ZAN: variants seen among roughly 807,000 people sequenced by gnomAD.
ZAN encodes zonadhesin.
ZAN carries 260 observed loss-of-function variants against 286.2 expected under a neutral mutation model. The observed-to-expected ratio is 0.91, with a 90% CI of 0.82 to 1.01. The LOEUF (loss-of-function observed/expected upper bound fraction) is 1.01. Among genes scored for constraint, ZAN ranks in the 50% least tolerant of loss-of-function variants. The pLI is 0.00. For synonymous variants in ZAN, 1,368 were observed against 1,417.5 expected, an observed-to-expected ratio of 0.97 and a Z score of 0.79; for missense variants, 3,410 against 3,639.2, an observed-to-expected ratio of 0.94 and a Z score of 1.62.
chr7:100,747,791 G>A (rs1489123595), intron 9 of ZAN, 150 bp downstream of exon 9: 7 of 776,700 alleles, frequency 9.0e-6, no homozygotes, highest in Non-Finnish European at 1.5e-5. Context: ...AGGAGTTCAA[G>A]ACCAGCCTGG....
At chr7:100,783,674 C>T (rs2116252000) in intron 35 of ZAN, among the ~76,000 whole-genome samples, 1 of 129,850 alleles carries the variant, frequency 7.7e-6, no homozygotes, top group African/African-American at 2.9e-5. Flanking sequence ...GCAGAGGCTG[C>T]AGTGAGCCAA....
Position 100,760,470 on chromosome 7 carries a change from T to C in ZAN, c.3776T>C (p.Leu1259Pro). Residue 1259 changes from leucine (L) to proline (P), a missense_variant, in exon 19 of 48, where the codon CTG becomes CCG. Physicochemically the swap from Leu to Pro is moderately conservative, Grantham distance 98. Transcript: ENST00000613979. Reference protein sequence around the residue: ...FLGASGRFVELQTEFGLRVRW... With the variant: ...FLGASGRFVEPQTEFGLRVRW... ...GGTGCAAGCGGGCGGTTTGTGGAGC[T>C]GCAGACGGAGTTCGGTTTGCGGGTG... The C allele has an allele frequency of 6.2e-7, 1 of 1,613,992 alleles. No individual in the cohort carries two copies. The highest frequency in any genetic ancestry group is 8.5e-7 in the Non-Finnish European group (1 of 1,179,890).
intron 17 of ZAN, 101 bp downstream of exon 17, chr7:100,758,751 G>C (rs972729827): frequency 4.8e-5 from 71 of 1,493,916 alleles, no homozygotes; most frequent in Non-Finnish European, 5.2e-5. Context: ...GGGCACAGAT[G>C]GGGGAAGAGG....
At position 100,762,370 on chromosome 7, in the gene ZAN, G is replaced by A; in HGVS notation, c.3986+12G>A. The A allele has an allele frequency of 6.3e-7, 1 of 1,593,158 alleles. No individual in the cohort carries two copies. The highest frequency in any genetic ancestry group is 8.6e-7 in the Non-Finnish European group (1 of 1,167,630). The stretch of plus-strand genomic sequence containing the variant: ...GACGAGGACCAGGAGTGAGCAAGGA[G>A]CCCTCCCACCGGGGCCCTGGGAAGG... On this transcript the variant is annotated intron_variant, in intron 20 of 47. Coordinates refer to ENST00000613979, the MANE Select transcript of ZAN (RefSeq NM_003386.3).
At chr7:100,748,905 G>A (rs1446062796) in intron 11 of ZAN, among the ~76,000 whole-genome samples, 1 of 151,922 alleles carries the variant, frequency 6.6e-6, no homozygotes, top group Non-Finnish European at 1.5e-5. Context: ...ATGTGGTGGT[G>A]TGTGCTTGTG....
intron 40 of ZAN, 23 bp from the exon 41 acceptor site, chr7:100,791,943 C>G: frequency 6.3e-7 from 1 of 1,598,760 alleles, no homozygotes; most frequent in Non-Finnish European, 8.5e-7. Flanking sequence ...CCTCACCTGA[C>G]CCCGTGGCTG....
At chr7:100,744,014 G>A (rs1270095670) in intron 7 of ZAN, among the ~76,000 whole-genome samples, 1 of 150,896 alleles carries the variant, frequency 6.6e-6, no homozygotes. Flanking sequence ...GCCACGCCCA[G>A]CCTATATCTC....
At chr7:100,770,161 G>A (rs1810277379) in intron 28 of ZAN, among the ~76,000 whole-genome samples, 187 bp downstream of exon 28, 1 of 151,804 alleles carries the variant, frequency 6.6e-6, no homozygotes, top group Admixed American at 6.6e-5. Flanking sequence ...CTGTATTTGT[G>A]TCTCAGGCAG....
In ZAN at chr7:100,736,040, G is replaced by A. The variant is rs542132769; in HGVS notation, c.106+268G>A. Among the ~76,000 whole-genome samples the A allele has an allele frequency of 3.6e-5, 5 of 140,724 alleles. No homozygotes were observed. In the South Asian group the frequency reaches 6.6e-4, roughly 19 times the overall value. 92.3% of individuals were successfully genotyped at this position (140,724 alleles called of 152,430 possible). On this transcript the variant is annotated intron_variant, in intron 3 of 47. Coordinates refer to ENST00000613979, the MANE Select transcript of ZAN (RefSeq NM_003386.3). The stretch of plus-strand genomic sequence containing the variant: ...TCTTTCAAATCTCTGCTCTGGGCCG[G>A]GTGCTGTGGCTCACACCTGTCATCC...
chr7:100,759,170 A>T (rs1809365045), intron 17 of ZAN, among the ~76,000 whole-genome samples: 1 of 152,026 alleles, frequency 6.6e-6, no homozygotes, highest in Non-Finnish European at 1.5e-5. Flanking sequence ...GGTTGCAGTG[A>T]GCCAAGATCG....
rs556434038 is a variant in ZAN, at chr7:100,763,940, C to T, written c.4097+24C>T. Reference sequence around the variant, plus strand: ...GAGTATGAAGGAGGGCAGGCAGGGTCGCACAGGGGCGATGCTTGGCACCTG... The same window carrying T: ...GAGTATGAAGGAGGGCAGGCAGGGTTGCACAGGGGCGATGCTTGGCACCTG... On this transcript the variant is annotated intron_variant, in intron 21 of 47. Transcript: ENST00000613979. This position sits in a 1 kb window ranked among gnomAD's most constrained non-coding sequence, Gnocchi z 4.6. The T allele has an allele frequency of 1.0e-5, 16 of 1,606,646 alleles. No individual in the cohort carries two copies. The highest frequency in any genetic ancestry group is 6.7e-5 in the Admixed American group (4 of 59,320).
chr7:100,765,507 C>G lies in ZAN; in HGVS notation c.4423C>G (p.Pro1475Ala). 6.2e-7 allele frequency: 1 copy of G among 1,611,814 alleles called. No individual in the cohort carries two copies. Among genetic ancestry groups the G allele is most frequent in the South Asian group, 1.1e-5 (1 of 90,520 alleles). Residue 1475 changes from proline to alanine, a missense_variant, in exon 23 of 48, where the codon CCT becomes GCT. By Grantham distance (27) the Pro-to-Ala change is conservative. This residue lies in a region of ZAN where 1,042 missense variants were observed against 1,058.0 expected (regional missense o/e 0.98). Transcript: ENST00000613979. ...CGTCCTCAGTGGCCTCGAGTGCATA[C>G]CTCGCTCCCAGTGTGGGTGCCTCCA... ...GFVLSGLECI[P>A]RSQCGCLHPA...
chr7:100,737,100 G>A lies in ZAN; in HGVS notation c.525+20G>A, dbSNP rs745404505. On this transcript the variant is annotated intron_variant, in intron 5 of 47. Coordinates refer to ENST00000613979, the MANE Select transcript of ZAN (RefSeq NM_003386.3). ...ACCCGGGTAAGGCCGGGGACAAATT[G>A]TGGGACCTCGGGGGGGAGTCTGGGT... 21 of 1,482,314 alleles carry A rather than the reference G, an allele frequency of 1.4e-5. 5 individuals carry two copies. Among genetic ancestry groups the A allele is most frequent in the Non-Finnish European group, 1.9e-5 (21 of 1,087,058 alleles). The allele number at this position is 1,482,314 out of a possible 1,614,324, so 91.8% of individuals were successfully genotyped here.
chr7:100,775,920 G>A (rs985273878), intron 33 of ZAN, 87 bp downstream of exon 33: 3 of 1,525,664 alleles, frequency 2.0e-6, no homozygotes, highest in African/African-American at 1.4e-5. Flanking sequence ...TGTTCGCATC[G>A]TGCCTGCCCA....
At position 100,775,825 on chromosome 7, in the gene ZAN, T is replaced by C; in HGVS notation, c.6184T>C (p.Tyr2062His). 2 of 1,613,534 alleles carry C rather than the reference T, an allele frequency of 1.2e-6. No individual in the cohort carries two copies. The highest frequency in any genetic ancestry group is 1.7e-6 in the Non-Finnish European group (2 of 1,179,802). The change falls in exon 33 of 48, where the codon TAT (tyrosine) becomes CAT (histidine). Residue 2062 changes from tyrosine (Y) to histidine (H), a missense_variant. Physicochemically the swap from Tyr to His is moderately conservative, Grantham distance 83 (BLOSUM62 2). This residue lies in a region of ZAN where 1,289 missense variants were observed against 1,314.3 expected (regional missense o/e 0.98). Transcript: ENST00000613979. ...AGAGATTGAAATCCCCACAACCTAC[T>C]ATGGAAAGGTGAGGAAAACATCTGG... ...LLEIEIPTTY[Y>H]GKVCGMCGNF... is the part of the protein sequence containing the mutation.
rs544558816 is a variant in ZAN, at chr7:100,737,945, AATTT to A, written c.614-491_614-488del. ...AAGGAGACCCCCATCTCTACAAAAG[AATTT>A]ATTTATTTATTTATTTATTTATTTG... On this transcript the variant is annotated intron_variant, in intron 6 of 47. Coordinates refer to ENST00000613979, the MANE Select transcript of ZAN (RefSeq NM_003386.3). 1.9e-4 allele frequency among the ~76,000 whole-genome samples: 26 copies of A among 138,026 alleles called. 3 individuals carry two copies. The highest frequency in any genetic ancestry group is 2.4e-4 in the African/African-American group (9 of 37,726). The allele number at this position is 138,026 out of a possible 152,430, so 90.6% of individuals were successfully genotyped here. A position where few individuals can be genotyped will look rare whatever the true frequency, so the allele number is the denominator to read the frequency against.
At position 100,751,252 on chromosome 7, in the gene ZAN, C is replaced by T; in HGVS notation, c.1592C>T (p.Pro531Leu). Residue 531 changes from proline (P) to leucine (L), a missense_variant, in exon 13 of 48, where the codon CCT becomes CTT. Coordinates refer to ENST00000613979, the MANE Select transcript of ZAN (RefSeq NM_003386.3). ...VVAMGFILIN[P>L]GTCPVKVLPE... Reference sequence around the variant, plus strand: ...GCTATGGGTTTCATCTTGATCAATCCTGGGACTTGTCCAGGTAAGACCAAA... The same window carrying T: ...GCTATGGGTTTCATCTTGATCAATCTTGGGACTTGTCCAGGTAAGACCAAA... 6.2e-7 allele frequency: 1 copy of T among 1,603,798 alleles called. No homozygotes were observed. The highest frequency in any genetic ancestry group is 2.2e-5 in the East Asian group (1 of 44,630).
intron 11 of ZAN, among the ~76,000 whole-genome samples, chr7:100,750,284 G>A (rs796789416): frequency 7.2e-5 from 11 of 151,822 alleles, no homozygotes; most frequent in East Asian, 4.0e-4. Flanking sequence ...CTCCAGGCAC[G>A]GGCCACCACG....
chr7:100,765,247 G>T, intron 22 of ZAN, 105 bp from the exon 23 acceptor site: 2 of 1,286,518 alleles, frequency 1.6e-6, no homozygotes, highest in Non-Finnish European at 2.2e-6. Flanking sequence ...CTCGAGATTG[G>T]CCAGAAGCCT....
Sources: allele counts gnomAD v4.1 joint callset (sites outside exome capture counted in the v4.1 genomes callset), GRCh38; gene constraint gnomAD v4.1.1; regional missense constraint gnomAD v4.1.1; non-coding constraint Gnocchi (gnomAD v3.1); transcripts MANE v1.5; gene names NCBI Gene and HGNC (gene_info 2026-07-23, HGNC 2026-07-21).